The following GMPR2 variants were observed in gnomAD, a reference collection of about 807,000 sequenced individuals.
GMPR2 encodes the protein GMP reductase 2.
A neutral mutation model predicts 38.5 loss-of-function variants in GMPR2; 32 were observed. The observed-to-expected ratio is 0.83, with a 90% CI of 0.63 to 1.12. The LOEUF (loss-of-function observed/expected upper bound fraction) is 1.12. Ranked by LOEUF, GMPR2 falls within the 50% of genes most tolerant of loss-of-function variation. The pLI is 0.00. For missense variants in GMPR2, 396 were observed against 432.1 expected (o/e 0.92, Z 0.74); for synonymous variants, 154 against 151.0 (o/e 1.02, Z -0.15).
intron 3 of GMPR2, among the ~76,000 whole-genome samples, chr14:24,233,921 C>T (rs1161329110): frequency 6.6e-6 from 1 of 152,158 alleles, no homozygotes; most frequent in African/African-American, 2.4e-5. Flanking sequence ...CACATGCATC[C>T]CTTCAGTTAT....
At chr14:24,238,456 G>C (rs750713747) in intron 9 of GMPR2, 51 bp downstream of exon 9, 1 of 1,614,082 alleles carries the variant, frequency 6.2e-7, no homozygotes, top group East Asian at 2.2e-5. Flanking sequence ...CAGAACTCAT[G>C]GCTGCTGAGA....
chr14:24,233,703 T>G (rs752763895), intron 3 of GMPR2, 105 bp downstream of exon 3: 7 of 1,282,206 alleles, frequency 5.5e-6, no homozygotes, highest in Non-Finnish European at 6.8e-6. Context: ...CTCTGGCAGT[T>G]AGCAGTCAGG....
Position 24,233,612 on chromosome 14 carries a change from C to T in GMPR2, c.207+14C>T, listed in dbSNP as rs2040184817. On this transcript the variant is annotated intron_variant, in intron 3 of 9. Coordinates refer to ENST00000399440, the MANE Select transcript of GMPR2 (RefSeq NM_001002002.3). ...GTTCTCTGTAAGGTAGGGCTTTCCT[C>T]ATGCCCCATCCCTATTGGTGTCCAG... 1 of 1,614,042 alleles carries T rather than the reference C, an allele frequency of 6.2e-7. No individual in the cohort carries two copies. Among genetic ancestry groups the T allele is most frequent in the Non-Finnish European group, 8.5e-7 (1 of 1,179,898 alleles).
chr14:24,235,850 T>C (rs1202851818), intron 4 of GMPR2, 30 bp downstream of exon 4: 1 of 1,595,612 alleles, frequency 6.3e-7, no homozygotes, highest in East Asian at 2.2e-5. Flanking sequence ...GCTCCCTTCC[T>C]TATCCCAGTT....
chr14:24,234,318 G>C (rs2040234379), intron 3 of GMPR2: 2 of 968,350 alleles, frequency 2.1e-6, no homozygotes, highest in South Asian at 1.5e-5. Flanking sequence ...GATGAATTCT[G>C]CTATTGTTTG....
At chr14:24,238,463 G>C (rs1039642339) in intron 9 of GMPR2, 58 bp downstream of exon 9, 1 of 1,614,118 alleles carries the variant, frequency 6.2e-7, no homozygotes, top group African/African-American at 1.3e-5. Flanking sequence ...CATGGCTGCT[G>C]AGAGGGGGAT....
rs2040492245 is a variant in GMPR2 at position 24,239,074 on chromosome 14, C to CT, written c.*297dup. On this transcript the variant is annotated 3_prime_UTR_variant, in exon 10 of 10. Transcript: ENST00000399440. Reference sequence around the variant, plus strand: ...TGAAGATTATTAAAAGGAAAAGATGCTGATTGGTACATAAATCTTTTACAT... The same window carrying CT: ...TGAAGATTATTAAAAGGAAAAGATGCTTGATTGGTACATAAATCTTTTACAT... 10 of 511,974 alleles carry CT rather than the reference C, an allele frequency of 2.0e-5. No individual in the cohort carries two copies. The highest frequency in any genetic ancestry group is 5.9e-4 in the Middle Eastern group (2 of 3,410). 31.7% of individuals were successfully genotyped at this position (511,974 alleles called of 1,614,324 possible).
chr14:24,235,700 T>C (rs755727539), intron 3 of GMPR2, 37 bp from the exon 4 acceptor site: 1 of 1,381,258 alleles, frequency 7.2e-7, no homozygotes, highest in Non-Finnish European at 1.0e-6. Context: ...CTTAATAAAG[T>C]TTTCTCCCTT....
Position 24,237,061 on chromosome 14 carries a change from T to G in GMPR2, c.466-10T>G. ...CCTAAGGATGCTGTATTTCAATTGC[T>G]CTGTCTCAGGCAGGGAATGTGGTAA... On this transcript the variant is annotated splice_polypyrimidine_tract_variant and intron_variant, in intron 5 of 9. Coordinates refer to ENST00000399440, the MANE Select transcript of GMPR2 (RefSeq NM_001002002.3). 6.2e-7 allele frequency: 1 copy of G among 1,605,098 alleles called. No homozygotes were observed. Among genetic ancestry groups the G allele is most frequent in the South Asian group, 1.1e-5 (1 of 90,852 alleles).
chr14:24,238,358 T>C lies in GMPR2; in HGVS notation c.810T>C (p.Ser270=). The C allele has an allele frequency of 6.2e-7, 1 of 1,613,576 alleles. No individual in the cohort carries two copies. The change falls in exon 9 of 10, where the codon AGT becomes AGC. Residue 270 remains serine, a synonymous_variant. Transcript: ENST00000399440. ...AGTACAAGCTCTTCTATGGAATGAGTTCTGAAATGGCCATGAAGAAGTATG... is the reference window on the plus strand; with the variant it reads ...AGTACAAGCTCTTCTATGGAATGAGCTCTGAAATGGCCATGAAGAAGTATG... ...GKKYKLFYGM[S]SEMAMKKYAG...
chr14:24,234,569 G>T (rs1016888693), intron 3 of GMPR2, among the ~76,000 whole-genome samples: 4 of 152,218 alleles, frequency 2.6e-5, no homozygotes, highest in Non-Finnish European at 5.9e-5. Flanking sequence ...TGTAATACAT[G>T]AACCTTTTTG....
At chr14:24,236,267 T>G in intron 5 of GMPR2, 127 bp downstream of exon 5, 1 of 739,944 alleles carries the variant, frequency 1.4e-6, no homozygotes, top group Non-Finnish European at 2.3e-6. Context: ...TGATACTGGA[T>G]GATTATCCAT....
At chr14:24,234,161 A>G (rs1188873407) in intron 3 of GMPR2, 4 of 1,288,934 alleles carry the variant, frequency 3.1e-6, no homozygotes, top group East Asian at 1.1e-4. Flanking sequence ...TGTTTTTCTT[A>G]TATACAAGTT....
intron 3 of GMPR2, 37 bp from the exon 4 acceptor site, chr14:24,235,699 GT>G (rs756402000): frequency 6.5e-6 from 9 of 1,377,954 alleles, no homozygotes; most frequent in Admixed American, 5.0e-5. Context: ...CCTTAATAAA[GT>G]TTTCTCCCTT....
In GMPR2 at chr14:24,235,776, G is replaced by A. The variant is rs368404765; in HGVS notation, c.247G>A (p.Val83Ile). Reference sequence around the variant, plus strand: ...TGCTGTCCATAAGCACTATAGCCTCGTTCAGTGGCAAGAGTTTGCTGGCCA... The same window carrying A: ...TGCTGTCCATAAGCACTATAGCCTCATTCAGTGGCAAGAGTTTGCTGGCCA... Reference protein sequence around the residue: ...FTAVHKHYSLVQWQEFAGQNP... With the variant: ...FTAVHKHYSLIQWQEFAGQNP... Residue 83 changes from valine to isoleucine, a missense_variant, in exon 4 of 10, where the codon GTT (valine) becomes ATT (isoleucine). By Grantham distance (29) the Val-to-Ile change is conservative. Coordinates refer to ENST00000399440, the MANE Select transcript of GMPR2 (RefSeq NM_001002002.3). The A allele has an allele frequency of 4.0e-5, 65 of 1,613,650 alleles. No homozygotes were observed. The African/African-American group carries it at 4.1e-4, about 10-fold the overall frequency.
At chr14:24,238,115 T>C (rs528612428) in intron 8 of GMPR2, 131 bp from the exon 9 acceptor site, 1 of 792,494 alleles carries the variant, frequency 1.3e-6, no homozygotes, top group South Asian at 1.7e-5. Flanking sequence ...GTGGGTCAGC[T>C]AGGGAAGCAG....
At position 24,235,782 on chromosome 14, in the gene GMPR2, T is replaced by C. The variant is rs1481836433; in HGVS notation, c.253T>C (p.Trp85Arg). 1 of 1,613,852 alleles carries C rather than the reference T, an allele frequency of 6.2e-7. No homozygotes were observed. The change falls in exon 4 of 10, where the codon TGG (tryptophan) becomes CGG (arginine). Residue 85 changes from tryptophan to arginine, a missense_variant. By Grantham distance (101) the Trp-to-Arg change is moderately radical. Transcript: ENST00000399440. ...AVHKHYSLVQ[W>R]QEFAGQNPDC... ...CCATAAGCACTATAGCCTCGTTCAGTGGCAAGAGTTTGCTGGCCAGAATCC... is the reference window on the plus strand; with the variant it reads ...CCATAAGCACTATAGCCTCGTTCAGCGGCAAGAGTTTGCTGGCCAGAATCC...
intron 5 of GMPR2, 193 bp from the exon 6 acceptor site, chr14:24,236,878 G>T: frequency 1.8e-6 from 1 of 552,080 alleles, no homozygotes; most frequent in Non-Finnish European, 3.2e-6. Flanking sequence ...TTGGCTTGGT[G>T]TTGGGTGGAT....
At chr14:24,237,006 C>G in intron 5 of GMPR2, 65 bp from the exon 6 acceptor site, 1 of 1,190,666 alleles carries the variant, frequency 8.4e-7, no homozygotes, top group South Asian at 1.3e-5. Flanking sequence ...CCATGCATAC[C>G]GTAACAATAC....
Sources: gnomAD v4.1 joint callset for allele counts (sites outside exome capture counted in the v4.1 genomes callset) on GRCh38, gnomAD v4.1.1 for gene constraint, MANE v1.5 for transcripts, NCBI Gene and HGNC (gene_info 2026-07-23, HGNC 2026-07-21) for gene names.